KDM4C: variants seen among roughly 807,000 people sequenced by gnomAD.
KDM4C encodes lysine-specific demethylase 4C.
Under a neutral mutation model 129.3 loss-of-function variants are expected in KDM4C, and 81 were observed. The ratio of observed to expected loss-of-function variants is 0.63; its 90% CI spans 0.52 to 0.75. The LOEUF (loss-of-function observed/expected upper bound fraction) is 0.75, where lower values mean the gene tolerates loss of function less well. Among genes scored for constraint, KDM4C ranks in the 30% least tolerant of loss-of-function variants. The pLI, the probability that KDM4C is intolerant of heterozygous loss-of-function variation, is 0.00. For synonymous variants in KDM4C, 573 were observed against 456.1 expected (o/e 1.26, Z -3.26); for missense variants, 1,457 against 1,304.0 (o/e 1.12, Z -1.81).
intron 8 of KDM4C, chr9:6,942,348 C>T (rs1306546153): frequency 1.3e-5 from 2 of 149,774 alleles, no homozygotes; most frequent in African/African-American, 4.9e-5. Context: ...AGAAGTCACT[C>T]AAGCTTCCTG....
intron 4 of KDM4C, chr9:6,815,071 C>T (rs147401571): frequency 6.8e-4 from 118 of 172,640 alleles, no homozygotes; most frequent in Non-Finnish European, 2.4e-4. Flanking sequence ...ATCATACTGA[C>T]ACCTTAAAGC....
chr9:6,729,870 G>C (rs1413100889), intron 1 of KDM4C, among the ~76,000 whole-genome samples: 1 of 134,476 alleles, frequency 7.4e-6, no homozygotes, highest in South Asian at 2.6e-4. Flanking sequence ...AGCACTTTGG[G>C]AGGGAGAGGC....
intron 1 of KDM4C, among the ~76,000 whole-genome samples, chr9:6,746,631 G>C (rs1316934520): frequency 1.3e-5 from 2 of 151,476 alleles, no homozygotes; most frequent in Non-Finnish European, 2.9e-5. Context: ...CGAAATCCCA[G>C]CACTTTGGGA....
Position 6,771,883 on chromosome 9 carries a change from C to G in KDM4C, c.-18+13680C>G, listed in dbSNP as rs1001259067. Among the ~76,000 whole-genome samples the G allele has an allele frequency of 4.6e-5, 7 of 152,164 alleles. No individual in the cohort carries two copies. The East Asian group carries it at 1.4e-3, about 29-fold the overall frequency. Reference sequence around the variant, plus strand: ...AGTTGCCAGGAAGCCAAAGCAGGCCCAAGGGGTTGTGACCTACCTGGGAGA... The same window carrying G: ...AGTTGCCAGGAAGCCAAAGCAGGCCGAAGGGGTTGTGACCTACCTGGGAGA... On this transcript the variant is annotated intron_variant, in intron 1 of 21. Coordinates refer to ENST00000381309, the MANE Select transcript of KDM4C (RefSeq NM_015061.6).
chr9:7,118,331 A>G (rs1839142452), intron 18 of KDM4C, among the ~76,000 whole-genome samples: 1 of 152,200 alleles, frequency 6.6e-6, no homozygotes. Context: ...GATGAGTCAT[A>G]TGTGTATTTG....
At chr9:6,755,498 A>G (rs1455221929), upstream of KDM4C, among the ~76,000 whole-genome samples, 2 of 152,060 alleles carry the variant, frequency 1.3e-5, no homozygotes, top group Non-Finnish European at 1.5e-5. Flanking sequence ...CAGTGAGCCG[A>G]TATGGCGCCA....
At chr9:6,834,094 A>G (rs1835415610) in intron 4 of KDM4C, among the ~76,000 whole-genome samples, 1 of 133,542 alleles carries the variant, frequency 7.5e-6, no homozygotes, top group African/African-American at 2.9e-5. Flanking sequence ...GCTGGGGTGC[A>G]GTGATGCAAT....
intron 19 of KDM4C, among the ~76,000 whole-genome samples, chr9:7,147,753 C>T (rs1015135091): frequency 1.3e-5 from 2 of 152,186 alleles, no homozygotes; most frequent in Non-Finnish European, 2.9e-5. Flanking sequence ...GTGCTCCTTG[C>T]TCTGCTAATT....
chr9:7,089,760 G>A (rs1835574338), intron 17 of KDM4C, among the ~76,000 whole-genome samples: 1 of 152,196 alleles, frequency 6.6e-6, no homozygotes, highest in Admixed American at 6.5e-5. Context: ...GGGTATGGAA[G>A]CACTTTAAAT....
chr9:6,948,436 G>T (rs1827362006), intron 8 of KDM4C, among the ~76,000 whole-genome samples: 1 of 150,226 alleles, frequency 6.7e-6, no homozygotes, highest in South Asian at 2.1e-4. Context: ...TATTGACATG[G>T]TGATGATATG....
chr9:6,895,482 C>T (rs758116274), intron 8 of KDM4C, among the ~76,000 whole-genome samples: 6 of 152,200 alleles, frequency 3.9e-5, no homozygotes, highest in African/African-American at 7.2e-5. Flanking sequence ...CAAAATCCCA[C>T]GTGTCATGCA....
At chr9:7,023,808 C>T (rs1343687937) in intron 15 of KDM4C, among the ~76,000 whole-genome samples, 5 of 152,070 alleles carry the variant, frequency 3.3e-5, no homozygotes, top group African/African-American at 1.2e-4. Flanking sequence ...TGCTGTATCC[C>T]ATAGATTTTG....
upstream of KDM4C, among the ~76,000 whole-genome samples, chr9:6,753,004 G>A (rs2130311687): frequency 6.6e-6 from 1 of 152,224 alleles, no homozygotes. Flanking sequence ...CTAGTTCCAG[G>A]GGACCACTGA....
intron 1 of KDM4C, among the ~76,000 whole-genome samples, chr9:6,742,788 T>C (rs78494361): frequency 0.025 from 3,803 of 151,946 alleles, 164 homozygotes; most frequent in Admixed American, 0.12. Flanking sequence ...AGGCCCTCCT[T>C]GAGGCTCCCT....
Position 7,083,027 on chromosome 9 carries a change from T to A in KDM4C, c.2425-20658T>A, listed in dbSNP as rs183681647. ...ATTTTTATGAAGTGCTTGCATTTTTTAAATTATTTATCGAATAAGTAGAGT... is the reference window on the plus strand; with the variant it reads ...ATTTTTATGAAGTGCTTGCATTTTTAAAATTATTTATCGAATAAGTAGAGT... On this transcript the variant is annotated intron_variant, in intron 17 of 21. Coordinates refer to ENST00000381309, the MANE Select transcript of KDM4C (RefSeq NM_015061.6). 3.8e-3 allele frequency among the ~76,000 whole-genome samples: 578 copies of A among 152,358 alleles called. 4 individuals carry two copies. The highest frequency in any genetic ancestry group is 0.013 in the African/African-American group (533 of 41,582).
At chr9:7,059,095 G>T (rs770014244) in intron 17 of KDM4C, among the ~76,000 whole-genome samples, 15 of 152,118 alleles carry the variant, frequency 9.9e-5, no homozygotes, top group African/African-American at 3.6e-4. Flanking sequence ...TTGATATTTT[G>T]TAATAAAATG....
intron 1 of KDM4C, among the ~76,000 whole-genome samples, chr9:6,775,576 G>T (rs563428920): frequency 6.6e-6 from 1 of 151,742 alleles, no homozygotes; most frequent in Non-Finnish European, 1.5e-5. Context: ...AGGCTGGAGC[G>T]CAGTGGCACA....
intron 17 of KDM4C, among the ~76,000 whole-genome samples, chr9:7,088,988 C>A (rs1369326826): frequency 6.6e-6 from 1 of 151,680 alleles, no homozygotes; most frequent in Admixed American, 6.6e-5. Context: ...TAAATGAAAT[C>A]ATTACTTTTT....
intron 5 of KDM4C, among the ~76,000 whole-genome samples, chr9:6,874,166 A>G (rs1197197329): frequency 1.3e-5 from 2 of 152,228 alleles, no homozygotes; most frequent in African/African-American, 2.4e-5. Flanking sequence ...CACACATTCA[A>G]AGCGAGCACA....
Sources: allele counts gnomAD v4.1 joint callset (sites outside exome capture counted in the v4.1 genomes callset), GRCh38; gene constraint gnomAD v4.1.1; transcripts MANE v1.5; gene names NCBI Gene and HGNC (gene_info 2026-07-23, HGNC 2026-07-21).